GPC5: variants seen among roughly 807,000 people sequenced by gnomAD.
GPC5 encodes the protein glypican 5, also known as glypican-5.
GPC5 carries 47 observed loss-of-function variants against 53.9 expected under a neutral mutation model. The ratio of observed to expected loss-of-function variants is 0.87; its 90% CI spans 0.69 to 1.11. The LOEUF (loss-of-function observed/expected upper bound fraction) is 1.11, where lower values mean the gene tolerates loss of function less well. Among genes scored for constraint, GPC5 ranks in the 50% most tolerant of loss-of-function variants. The pLI is 0.00. For missense variants in GPC5, 748 were observed against 713.1 expected, an observed-to-expected ratio of 1.05 and a Z score of -0.56; for synonymous variants, 286 against 263.3, an observed-to-expected ratio of 1.09 and a Z score of -0.84.
At chr13:91,575,414 C>G (rs2032095709) in intron 2 of GPC5, among the ~76,000 whole-genome samples, 1 of 152,008 alleles carries the variant, frequency 6.6e-6, no homozygotes, top group Non-Finnish European at 1.5e-5. Flanking sequence ...CTAGTATTAT[C>G]CACTTAAAGG....
At chr13:92,592,855 G>A (rs1314073185) in intron 7 of GPC5, among the ~76,000 whole-genome samples, 1 of 151,232 alleles carries the variant, frequency 6.6e-6, no homozygotes, top group Non-Finnish European at 1.5e-5. Context: ...AGTGAGTGAG[G>A]TTGAGGGATG....
chr13:91,677,778 C>T (rs577091690), intron 2 of GPC5, among the ~76,000 whole-genome samples: 1 of 152,266 alleles, frequency 6.6e-6, no homozygotes, highest in South Asian at 2.1e-4. Context: ...TAGATTTCTA[C>T]AAGTCATATC....
At chr13:91,755,230 A>G (rs887904490) in intron 4 of GPC5, among the ~76,000 whole-genome samples, 1 of 152,126 alleles carries the variant, frequency 6.6e-6, no homozygotes, top group Non-Finnish European at 1.5e-5. Flanking sequence ...TACTCCAGGC[A>G]TAATTTAGAA....
chr13:91,836,787 T>C (rs1313340939), intron 5 of GPC5, among the ~76,000 whole-genome samples: 4 of 151,708 alleles, frequency 2.6e-5, no homozygotes, highest in African/African-American at 9.7e-5. Context: ...ACTCAAAATA[T>C]TTTATTTACT....
chr13:91,695,275 C>T (rs946364302), intron 3 of GPC5, among the ~76,000 whole-genome samples: 1 of 152,114 alleles, frequency 6.6e-6, no homozygotes, highest in African/African-American at 2.4e-5. Flanking sequence ...TGCAATAAAC[C>T]ATCTCAAAAG....
At chr13:92,395,275 T>A (rs531395296) in intron 7 of GPC5, among the ~76,000 whole-genome samples, 1 of 152,276 alleles carries the variant, frequency 6.6e-6, no homozygotes, top group African/African-American at 2.4e-5. Flanking sequence ...TTTAAAATTA[T>A]TTTTACGGTT....
intron 5 of GPC5, among the ~76,000 whole-genome samples, chr13:91,799,033 A>G (rs2038092582): frequency 6.6e-6 from 1 of 152,084 alleles, no homozygotes; most frequent in Admixed American, 6.6e-5. Flanking sequence ...ACACACACTC[A>G]TATGTTCCTT....
intron 6 of GPC5, among the ~76,000 whole-genome samples, chr13:91,960,154 A>G (rs1221463569): frequency 4.6e-5 from 6 of 130,860 alleles, no homozygotes; most frequent in Non-Finnish European, 8.1e-5. Flanking sequence ...TACTGATAAT[A>G]TGATCTTATT....
intron 7 of GPC5, among the ~76,000 whole-genome samples, chr13:92,514,633 C>G (rs1880700615): frequency 6.6e-6 from 1 of 152,150 alleles, no homozygotes; most frequent in South Asian, 2.1e-4. Flanking sequence ...AGACTGGGGC[C>G]TCCATTTGCC....
At chr13:92,821,406 TATTCATCTCAATGGTCCCG>T (rs1594529396) in intron 7 of GPC5, among the ~76,000 whole-genome samples, 4 of 152,166 alleles carry the variant, frequency 2.6e-5, no homozygotes, top group Non-Finnish European at 5.9e-5. Flanking sequence ...CAAGTCAACA[TATTCATCTCAATGGTCCCG>T]AGGAGTTGGA....
intron 7 of GPC5, among the ~76,000 whole-genome samples, chr13:92,231,610 A>T (rs1267781982): frequency 6.7e-6 from 1 of 148,222 alleles, no homozygotes; most frequent in Non-Finnish European, 1.5e-5. Flanking sequence ...AGATCCAGAT[A>T]TACATATTCT....
chr13:91,723,585 G>A (rs1409812136), intron 3 of GPC5, among the ~76,000 whole-genome samples: 4 of 151,638 alleles, frequency 2.6e-5, no homozygotes, highest in African/African-American at 9.7e-5. Context: ...AAACCACCAA[G>A]AGCTTTAACT....
At chr13:91,983,701 TCAAATAGC>T (rs1368233400) in intron 6 of GPC5, among the ~76,000 whole-genome samples, 1 of 152,174 alleles carries the variant, frequency 6.6e-6, no homozygotes, top group Non-Finnish European at 1.5e-5. Context: ...TGTAGCTTGG[TCAAATAGC>T]CAAACGGGGA....
At chr13:92,532,808 C>A (rs936677959) in intron 7 of GPC5, among the ~76,000 whole-genome samples, 5 of 152,012 alleles carry the variant, frequency 3.3e-5, no homozygotes, top group Admixed American at 6.6e-5. Context: ...CTTCAGGGCC[C>A]AATACACTAA....
At chr13:92,352,305 T>G (rs2043485312) in intron 7 of GPC5, among the ~76,000 whole-genome samples, 1 of 152,200 alleles carries the variant, frequency 6.6e-6, no homozygotes, top group African/African-American at 2.4e-5. Flanking sequence ...AAAATATAAA[T>G]GAACATCTAT....
rs537249710 is a variant in GPC5, at chr13:91,939,961, C to T, written c.1401+31904C>T. Among the ~76,000 whole-genome samples the T allele has an allele frequency of 2.6e-5, 4 of 152,200 alleles. No individual in the cohort carries two copies. The South Asian group carries it at 8.3e-4, about 32-fold the overall frequency. On this transcript the variant is annotated intron_variant, in intron 6 of 7. Transcript: ENST00000377067. The stretch of plus-strand genomic sequence containing the variant: ...TCTTTTGGGCCCTGTTTAGACCTCC[C>T]ATCTTTTAATGCTTACATGGCCTCA...
intron 2 of GPC5, among the ~76,000 whole-genome samples, chr13:91,578,626 T>C (rs1214550191): frequency 6.6e-6 from 1 of 152,070 alleles, no homozygotes; most frequent in Non-Finnish European, 1.5e-5. Context: ...TTCATTTGTT[T>C]CTAGAAGGAA....
chr13:92,224,600 T>C (rs1027668759), intron 7 of GPC5, among the ~76,000 whole-genome samples: 3 of 152,224 alleles, frequency 2.0e-5, no homozygotes, highest in African/African-American at 7.2e-5. Context: ...AACATTGTGG[T>C]TTATGCTGAA....
At chr13:91,812,685 T>G (rs1047736513) in intron 5 of GPC5, among the ~76,000 whole-genome samples, 1 of 152,238 alleles carries the variant, frequency 6.6e-6, no homozygotes, top group African/African-American at 2.4e-5. Context: ...GTTTGAGTTC[T>G]TATTCTGTAC....
Sources: gnomAD v4.1 joint callset for allele counts (sites outside exome capture counted in the v4.1 genomes callset) on GRCh38, gnomAD v4.1.1 for gene constraint, MANE v1.5 for transcripts, NCBI Gene and HGNC (gene_info 2026-07-23, HGNC 2026-07-21) for gene names.